Variants in AKAP13 observed in about 807,000 individuals in gnomAD.
AKAP13 encodes A-kinase anchoring protein 13, also known as A-kinase anchor protein 13.
Under a neutral mutation model 264.5 loss-of-function variants are expected in AKAP13, and 80 were observed. That is an observed-to-expected ratio of 0.30 (90% confidence interval 0.25 to 0.36). AKAP13 has a LOEUF of 0.36. Among genes scored for constraint, AKAP13 ranks in the 10% least tolerant of loss-of-function variants. The probability of loss-of-function intolerance (pLI) is 1.00; values close to 1 mark genes in which losing one functional copy is unlikely to be tolerated. For missense variants in AKAP13, 3,712 were observed against 3,435.2 expected, an observed-to-expected ratio of 1.08 and a Z score of -2.01; for synonymous variants, 1,380 against 1,250.2, an observed-to-expected ratio of 1.10 and a Z score of -2.19.
intron 2 of AKAP13, among the ~76,000 whole-genome samples, chr15:85,491,132 T>C (rs2075709725): frequency 6.6e-6 from 1 of 152,098 alleles, no homozygotes; most frequent in Non-Finnish European, 1.5e-5. Flanking sequence ...GTTGGAGATT[T>C]AGGGAGGAGA....
intron 4 of AKAP13, 155 bp downstream of exon 4, chr15:85,534,035 C>A: frequency 1.3e-6 from 1 of 773,164 alleles, no homozygotes; most frequent in Non-Finnish European, 2.0e-6. Context: ...TCAATGGCAT[C>A]TCTTCTAGGT....
At chr15:85,740,161 T>G in intron 33 of AKAP13, 61 bp from the exon 34 acceptor site, 1 of 1,553,224 alleles carries the variant, frequency 6.4e-7, no homozygotes, top group African/African-American at 1.4e-5. Context: ...AACATTAGTG[T>G]GATGGATTCT....
At chr15:85,632,440 G>A (rs1240740317) in intron 8 of AKAP13, among the ~76,000 whole-genome samples, 1 of 152,054 alleles carries the variant, frequency 6.6e-6, no homozygotes, top group Admixed American at 6.6e-5. Flanking sequence ...TGCTTCGGAA[G>A]GAAACAGTAT....
At chr15:85,627,243 T>C (rs941028920) in intron 8 of AKAP13, among the ~76,000 whole-genome samples, 3 of 152,184 alleles carry the variant, frequency 2.0e-5, no homozygotes, top group East Asian at 1.9e-4. Context: ...GCAGGACATA[T>C]TGTTATTTCA....
intron 4 of AKAP13, 44 bp from the exon 5 acceptor site, chr15:85,543,728 T>C (rs1224865152): frequency 1.9e-6 from 3 of 1,551,166 alleles, no homozygotes; most frequent in Non-Finnish European, 2.6e-6. Flanking sequence ...GTTTTTTGTT[T>C]TTATATTTTC....
chr15:85,661,693 C>G (rs933215840), intron 12 of AKAP13, among the ~76,000 whole-genome samples: 2 of 111,108 alleles, frequency 1.8e-5, no homozygotes, highest in Admixed American at 1.9e-4. Context: ...TACTCTCTAG[C>G]CTGGGCAACA....
intron 17 of AKAP13, among the ~76,000 whole-genome samples, chr15:85,703,842 C>CAAA (rs58183279): frequency 2.5e-4 from 35 of 138,038 alleles, no homozygotes; most frequent in South Asian, 7.1e-4. Flanking sequence ...GACTCCATCT[C>CAAA]AAAAAAAAAA....
chr15:85,552,076 A>C lies in AKAP13; in HGVS notation c.662+8121A>C, dbSNP rs116862262. On this transcript the variant is annotated intron_variant, in intron 5 of 36. Coordinates refer to ENST00000394518, the MANE Select transcript of AKAP13 (RefSeq NM_007200.5). Reference sequence around the variant, plus strand: ...CATTATTTGGCTGGAGCAGAATATCACCAGCATAGAATGAAGTTACGCGAT... The same window carrying C: ...CATTATTTGGCTGGAGCAGAATATCCCCAGCATAGAATGAAGTTACGCGAT... 6.2e-3 allele frequency among the ~76,000 whole-genome samples: 945 copies of C among 152,370 alleles called. 4 individuals are homozygous for C. The highest frequency in any genetic ancestry group is 9.8e-3 in the Non-Finnish European group (664 of 68,032).
intron 33 of AKAP13, among the ~76,000 whole-genome samples, chr15:85,738,357 A>T (rs1416131601): frequency 6.6e-6 from 1 of 151,842 alleles, no homozygotes; most frequent in African/African-American, 2.4e-5. Context: ...GCACCACTGC[A>T]CTCCAGCCTG....
chr15:85,637,887 T>G (rs2082134112), intron 8 of AKAP13, among the ~76,000 whole-genome samples: 1 of 92,956 alleles, frequency 1.1e-5, no homozygotes, highest in Non-Finnish European at 3.0e-5. Flanking sequence ...TTTAGAAGTT[T>G]TTTTTTTTTT....
rs1219722586 is a variant in AKAP13 at position 85,745,217 on chromosome 15, T to C, written c.*540T>C. ...CCTGGACGGACCCGGAGCCCCCGCA[T>C]ATCAGCAGTTCACCCAGTACTCCTC... On this transcript the variant is annotated 3_prime_UTR_variant, in exon 37 of 37. Transcript: ENST00000394518. 1 of 152,796 alleles carries C rather than the reference T, an allele frequency of 6.5e-6. No homozygotes were observed. Among genetic ancestry groups the C allele is most frequent in the Non-Finnish European group, 1.5e-5 (1 of 68,472 alleles). The allele number at this position is 152,796 out of a possible 1,614,324, so 9.5% of individuals were successfully genotyped here.
At chr15:85,722,803 C>T (rs1465904664) in intron 25 of AKAP13, among the ~76,000 whole-genome samples, 1 of 151,974 alleles carries the variant, frequency 6.6e-6, no homozygotes, top group East Asian at 1.9e-4. Flanking sequence ...CCTGCTATTA[C>T]TGTCCCTCCT....
At chr15:85,419,626 G>T (rs939138270) in intron 1 of AKAP13, among the ~76,000 whole-genome samples, 6 of 152,140 alleles carry the variant, frequency 3.9e-5, no homozygotes, top group Non-Finnish European at 7.4e-5. Context: ...GAGTTTTTTT[G>T]TTGGGGGATG....
At chr15:85,697,062 A>G (rs1055481606) in intron 17 of AKAP13, among the ~76,000 whole-genome samples, 10 of 152,220 alleles carry the variant, frequency 6.6e-5, no homozygotes, top group Admixed American at 4.6e-4. Context: ...ATGAAATTCC[A>G]GTTTAGGAAT....
chr15:85,711,216 A>G (rs976106927), intron 19 of AKAP13, among the ~76,000 whole-genome samples: 2 of 151,918 alleles, frequency 1.3e-5, no homozygotes, highest in Non-Finnish European at 2.9e-5. Context: ...TATAGAAAAT[A>G]GTTCTTTTTT....
chr15:85,673,675 T>C (rs1173739737), intron 14 of AKAP13, among the ~76,000 whole-genome samples: 2 of 119,332 alleles, frequency 1.7e-5, no homozygotes, highest in African/African-American at 3.3e-5. Flanking sequence ...TCTTTTTTTT[T>C]TTTTTTTTTT....
chr15:85,464,068 A>AC (rs1414607398), intron 1 of AKAP13, among the ~76,000 whole-genome samples: 1 of 151,996 alleles, frequency 6.6e-6, no homozygotes, highest in Non-Finnish European at 1.5e-5. Flanking sequence ...CTCTTGAACC[A>AC]CCCCGATGAT....
At chr15:85,415,930 TGGTTCAGTAC>T (rs1295060454) in intron 1 of AKAP13, among the ~76,000 whole-genome samples, 1 of 152,050 alleles carries the variant, frequency 6.6e-6, no homozygotes, top group Non-Finnish European at 1.5e-5. Flanking sequence ...TAAAGCCTGG[TGGTTCAGTAC>T]GCATAACCCC....
At chr15:85,462,248 G>A (rs1055672321) in intron 1 of AKAP13, among the ~76,000 whole-genome samples, 6 of 152,164 alleles carry the variant, frequency 3.9e-5, no homozygotes, top group Non-Finnish European at 4.4e-5. Context: ...ACAGTCATTG[G>A]AACATGAAGA....
Sources: allele counts gnomAD v4.1 joint callset (sites outside exome capture counted in the v4.1 genomes callset), GRCh38; gene constraint gnomAD v4.1.1; transcripts MANE v1.5; gene names NCBI Gene and HGNC (gene_info 2026-07-23, HGNC 2026-07-21).